Variants in EIF4A1 observed in about 807,000 individuals in gnomAD.
EIF4A1 encodes eukaryotic initiation factor 4A-I.
Under a neutral mutation model 53.5 loss-of-function variants are expected in EIF4A1, and 11 were observed. The ratio of observed to expected loss-of-function variants is 0.21; its 90% CI spans 0.13 to 0.34. The LOEUF (loss-of-function observed/expected upper bound fraction) is 0.34. Among genes scored for constraint, EIF4A1 ranks in the 10% least tolerant of loss-of-function variants. EIF4A1 has a pLI of 1.00. For missense variants in EIF4A1, 213 were observed against 530.8 expected (o/e 0.40, Z 5.88); for synonymous variants, 237 against 186.7 (o/e 1.27, Z -2.20).
intron 4 of EIF4A1, chr17:7,575,857 A>C: frequency 5.3e-6 from 1 of 190,116 alleles, no homozygotes; most frequent in Non-Finnish European, 1.1e-5. Flanking sequence ...TAGGACATGG[A>C]TATGCATCAC....
chr17:7,576,188 G>A (rs1425380709), intron 4 of EIF4A1: 1 of 191,322 alleles, frequency 5.2e-6, no homozygotes, highest in Admixed American at 6.0e-5. Context: ...AAAAAAAATG[G>A]TTGCTGCGTG....
chr17:7,572,908 G>T, intron 1 of EIF4A1, 44 bp downstream of exon 1: 1 of 1,614,100 alleles, frequency 6.2e-7, no homozygotes, highest in Non-Finnish European at 8.5e-7. Context: ...TTATTTTGCC[G>T]CCCCCTTCCG....
Position 7,574,694 on chromosome 17 carries a change from C to A in EIF4A1, c.205+16C>A. The A allele has an allele frequency of 6.2e-7, 1 of 1,612,208 alleles. No homozygotes were observed. Among genetic ancestry groups the A allele is most frequent in the South Asian group, 1.1e-5 (1 of 90,990 alleles). ...TGTATCAAGGGTGAGACCTCTCAGT[C>A]CCAGAAGACATTGTGGACTGTCCCT... On this transcript the variant is annotated intron_variant, in intron 3 of 10. Transcript: ENST00000293831.
At position 7,575,847 on chromosome 17, in the gene EIF4A1, T is replaced by C. The variant is rs532068811; in HGVS notation, c.345+589T>C. On this transcript the variant is annotated intron_variant, in intron 4 of 10. Coordinates refer to ENST00000293831, the MANE Select transcript of EIF4A1 (RefSeq NM_001416.4). ...CTTGGGTCCTATGGCAGGAGTGCAA[T>C]AGGACATGGATATGCATCACCTGTT... 6.9e-5 allele frequency: 14 copies of C among 203,880 alleles called. No homozygotes were observed. The South Asian group carries it at 1.0e-3, about 15-fold the overall frequency. The allele number at this position is 203,880 out of a possible 1,614,324, so 12.6% of individuals were successfully genotyped here.
In EIF4A1 at chr17:7,578,406, A is replaced by C; in HGVS notation, c.1141A>C (p.Lys381Gln). 3.1e-6 allele frequency: 5 copies of C among 1,613,892 alleles called. No individual in the cohort carries two copies. Among genetic ancestry groups the C allele is most frequent in the Non-Finnish European group, 4.2e-6 (5 of 1,179,860 alleles). Residue 381 changes from lysine to glutamine, a missense_variant, in exon 11 of 11, where the codon AAG (lysine) becomes CAG (glutamine). By Grantham distance (53) the Lys-to-Gln change is moderately conservative (BLOSUM62 1). This residue lies in a region of EIF4A1 where 28 missense variants were observed against 42.5 expected (regional missense o/e 0.66). Coordinates refer to ENST00000293831, the MANE Select transcript of EIF4A1 (RefSeq NM_001416.4). Reference sequence around the variant, plus strand: ...TATTAACATGGTGACAGAAGAAGACAAGAGGACTCTTCGAGACATTGAGAC... The same window carrying C: ...TATTAACATGGTGACAGAAGAAGACCAGAGGACTCTTCGAGACATTGAGAC... ...VAINMVTEED[K>Q]RTLRDIETFY...
rs1567736219 is a variant in EIF4A1 at position 7,578,678 on chromosome 17, C to T, written c.*192C>T. On this transcript the variant is annotated 3_prime_UTR_variant, in exon 11 of 11. Coordinates refer to ENST00000293831, the MANE Select transcript of EIF4A1 (RefSeq NM_001416.4). The stretch of plus-strand genomic sequence containing the variant: ...CCCTTTTCTTTGGGGTAGGCTCTTG[C>T]CCCAGGCGCCGGCTCTTCTCCCAAA... 5.6e-6 allele frequency: 3 copies of T among 536,590 alleles called. No homozygotes were observed. Among genetic ancestry groups the T allele is most frequent in the African/African-American group, 2.0e-5 (1 of 50,748 alleles). 33.2% of individuals were successfully genotyped at this position (536,590 alleles called of 1,614,324 possible).
At chr17:7,576,430 G>C in intron 4 of EIF4A1, 94 bp from the exon 5 acceptor site, 2 of 1,459,828 alleles carry the variant, frequency 1.4e-6, no homozygotes, top group East Asian at 4.9e-5. Flanking sequence ...ATGCCCCAAA[G>C]TTGTTGGTTA....
intron 5 of EIF4A1, 70 bp from the exon 6 acceptor site, chr17:7,576,986 G>A (rs550167096): frequency 7.8e-5 from 122 of 1,566,040 alleles, no homozygotes; most frequent in Non-Finnish European, 9.6e-5. Context: ...TTTTATCAGC[G>A]AAGTTGGATA....
In EIF4A1 at chr17:7,574,243, A is replaced by G. The variant is rs752427558; in HGVS notation, c.24-17A>G. 1.2e-6 allele frequency: 2 copies of G among 1,614,040 alleles called. No homozygotes were observed. The highest frequency in any genetic ancestry group is 1.7e-4 in the Middle Eastern group (1 of 6,008). On this transcript the variant is annotated splice_polypyrimidine_tract_variant and intron_variant, in intron 1 of 10. Coordinates refer to ENST00000293831, the MANE Select transcript of EIF4A1 (RefSeq NM_001416.4). ...TTCGGTCGGGCAGGGGACAAAACTTATGCTTTAAACCAACAGATCCAGAGA... is the reference window on the plus strand; with the variant it reads ...TTCGGTCGGGCAGGGGACAAAACTTGTGCTTTAAACCAACAGATCCAGAGA...
chr17:7,576,078 C>CAGGA (rs1438471184), intron 4 of EIF4A1: 3 of 154,706 alleles, frequency 1.9e-5, no homozygotes, highest in Non-Finnish European at 4.3e-5. Context: ...GAAGCTCAGG[C>CAGGA]AGGAGAATTT....
rs1350147774 is a variant in EIF4A1 at position 7,577,791 on chromosome 17, C to T, written c.907-36C>T. On this transcript the variant is annotated intron_variant, in intron 8 of 10. Transcript: ENST00000293831. The surrounding 1 kb of genome is among the most constrained non-coding windows in gnomAD (Gnocchi z 4.7). ...GCCAGGGTTCCTGGAACCCAGGTGC[C>T]TACCTGGTCTGCTGCATATTTGTTT... 1.9e-6 allele frequency: 3 copies of T among 1,613,932 alleles called. No homozygotes were observed. The highest frequency in any genetic ancestry group is 2.5e-6 in the Non-Finnish European group (3 of 1,179,950).
chr17:7,573,708 C>A (rs865979455), intron 1 of EIF4A1: 1 of 156,508 alleles, frequency 6.4e-6, no homozygotes, highest in Non-Finnish European at 1.4e-5. Flanking sequence ...GTGCAATCTC[C>A]CCCTTTGCTA....
intron 4 of EIF4A1, chr17:7,575,494 G>GCA: frequency 1.5e-6 from 1 of 661,390 alleles, no homozygotes; most frequent in Non-Finnish European, 2.7e-6. Context: ...GGCTGGCTGG[G>GCA]CAAGTTTGAC....
chr17:7,577,015 C>A lies in EIF4A1; in HGVS notation c.515-41C>A. On this transcript the variant is annotated intron_variant, in intron 5 of 10. Coordinates refer to ENST00000293831, the MANE Select transcript of EIF4A1 (RefSeq NM_001416.4). This position sits in a 1 kb window ranked among gnomAD's most constrained non-coding sequence, Gnocchi z 4.7. ...TTGGATATATCTCTCCCACATTTCC[C>A]TAATCATATGCTATATATTGGCTTT... 6.2e-7 allele frequency: 1 copy of A among 1,607,940 alleles called. No individual in the cohort carries two copies. Among genetic ancestry groups the A allele is most frequent in the South Asian group, 1.1e-5 (1 of 90,528 alleles).
intron 3 of EIF4A1, 58 bp from the exon 4 acceptor site, chr17:7,575,061 T>C: frequency 1.9e-6 from 3 of 1,601,402 alleles, no homozygotes; most frequent in Non-Finnish European, 2.6e-6. Flanking sequence ...AACCTAGGAC[T>C]TGAATATCCC....
chr17:7,574,905 T>C, intron 3 of EIF4A1: 1 of 1,024,832 alleles, frequency 9.8e-7, no homozygotes, highest in Non-Finnish European at 1.5e-6. Flanking sequence ...CAGCCATGTT[T>C]CTAGTCCAGC....
chr17:7,573,360 G>C (rs1019765811), intron 1 of EIF4A1: 3 of 197,562 alleles, frequency 1.5e-5, no homozygotes, highest in African/African-American at 7.2e-5. Flanking sequence ...TCGGGGAGAA[G>C]AAACCGGCCG....
At position 7,577,037 on chromosome 17, in the gene EIF4A1, C is replaced by CT. The variant is rs767835311; in HGVS notation, c.515-10dup. ...TCCCTAATCATATGCTATATATTGG[C>CT]TTTTTTTTTCTTCTCTAGCCCCCAA... is the stretch of plus-strand genomic sequence containing the variant. On this transcript the variant is annotated intron_variant, in intron 5 of 10. Transcript: ENST00000293831. The surrounding 1 kb of genome is among the most constrained non-coding windows in gnomAD (Gnocchi z 4.7). 95 of 1,602,130 alleles carry CT rather than the reference C, an allele frequency of 5.9e-5. 1 individual carries two copies. The highest frequency in any genetic ancestry group is 9.4e-5 in the African/African-American group (7 of 74,614).
Position 7,578,660 on chromosome 17 carries a change from C to T in EIF4A1, c.*174C>T. ...CCGTGAACATTTTAGACACCCTTTT[C>T]TTTGGGGTAGGCTCTTGCCCCAGGC... On this transcript the variant is annotated 3_prime_UTR_variant, in exon 11 of 11. Transcript: ENST00000293831. 2 of 635,650 alleles carry T rather than the reference C, an allele frequency of 3.1e-6. No individual in the cohort carries two copies. Among genetic ancestry groups the T allele is most frequent in the Admixed American group, 4.0e-5 (1 of 24,978 alleles). 39.4% of individuals were successfully genotyped at this position (635,650 alleles called of 1,614,324 possible).
Sources: gnomAD v4.1 joint callset for allele counts on GRCh38, gnomAD v4.1.1 for gene constraint, gnomAD v4.1.1 regional missense constraint, Gnocchi (gnomAD v3.1) non-coding constraint, MANE v1.5 for transcripts, NCBI Gene and HGNC (gene_info 2026-07-23, HGNC 2026-07-21) for gene names.